The following RGPD1 variants were observed in gnomAD, a reference collection of about 807,000 sequenced individuals.
The protein encoded by RGPD1 is RANBP2 like and GRIP domain containing 1.
In RGPD1, 7 loss-of-function variants were observed where a neutral mutation model predicts 40.6. The observed-to-expected ratio is 0.17, with a 90% CI of 0.10 to 0.32. The LOEUF (loss-of-function observed/expected upper bound fraction) is 0.32. Among genes scored for constraint, RGPD1 ranks in the 10% least tolerant of loss-of-function variants. The pLI, the probability that RGPD1 is intolerant of heterozygous loss-of-function variation, is 1.00. For synonymous variants in RGPD1, 24 were observed against 167.0 expected (o/e 0.14, Z 6.60); for missense variants, 50 against 472.5 (o/e 0.11, Z 8.29).
chr2:86,929,996 G>A (rs1678802398), intron 1 of RGPD1, among the ~76,000 whole-genome samples: 1 of 143,980 alleles, frequency 6.9e-6, no homozygotes, highest in Non-Finnish European at 1.6e-5. Flanking sequence ...GAATCTGGGG[G>A]CAGTGCACAC....
Position 86,942,584 on chromosome 2 carries a change from G to A in RGPD1, c.72+276G>A, listed in dbSNP as rs1342722321. 6.4e-5 allele frequency among the ~76,000 whole-genome samples: 6 copies of A among 93,810 alleles called. No individual in the cohort carries two copies. In the East Asian group the frequency reaches 1.8e-3, roughly 28 times the overall value. 61.5% of individuals were successfully genotyped at this position (93,810 alleles called of 152,430 possible). A position where few individuals can be genotyped will look rare whatever the true frequency, so the allele number is the denominator to read the frequency against. ...ACGTGGCCCGGCGGCGGCCTCGATG[G>A]CTCAGGCGTCATGGCTCCCGACGGG... On this transcript the variant is annotated intron_variant, in intron 1 of 22. Coordinates refer to ENST00000641458, the MANE Select transcript of RGPD1 (RefSeq NM_001382344.1).
chr2:86,960,668 C>T lies in RGPD1; in HGVS notation c.779+2241C>T, dbSNP rs1435532793. Among the ~76,000 whole-genome samples, 16 of 118,066 alleles carry T rather than the reference C, an allele frequency of 1.4e-4. 1 individual carries two copies. Among genetic ancestry groups the T allele is most frequent in the Admixed American group, 1.2e-3 (16 of 13,378 alleles). 77.5% of individuals were successfully genotyped at this position (118,066 alleles called of 152,430 possible). The stretch of plus-strand genomic sequence containing the variant: ...GCAGTGGTGCCATCTCGGCTCACTG[C>T]AAGCTCTGTCTCCAGGGTTCATGCC... On this transcript the variant is annotated intron_variant, in intron 6 of 22. Coordinates refer to ENST00000641458, the MANE Select transcript of RGPD1 (RefSeq NM_001382344.1).
intron 1 of RGPD1, chr2:86,914,033 C>CCTCGGCCTCCGCCTGGCCG (rs1558778631): frequency 5.3e-5 from 3 of 56,774 alleles, no homozygotes; most frequent in African/African-American, 2.1e-4. Context: ...GCGGCGGCGG[C>CCTCGGCCTCCGCCTGGCCG]GGCGGCGGCG....
chr2:86,945,224 T>C (rs1037314310), intron 1 of RGPD1, among the ~76,000 whole-genome samples: 8 of 152,070 alleles, frequency 5.3e-5, no homozygotes, highest in Non-Finnish European at 1.2e-4. Context: ...ACCACCTCTC[T>C]TACACTTAGA....
chr2:86,930,856 C>T, intron 1 of RGPD1: 1 of 694,592 alleles, frequency 1.4e-6, no homozygotes, highest in Non-Finnish European at 2.3e-6. Context: ...CCCGGCCCAT[C>T]TTCGCTGAGG....
upstream of RGPD1, among the ~76,000 whole-genome samples, chr2:86,940,834 A>C (rs1405045196): frequency 6.6e-6 from 1 of 151,278 alleles, no homozygotes; most frequent in East Asian, 2.0e-4. Context: ...ATGGTACCTC[A>C]AGTGAAAGAA....
chr2:86,928,372 C>G (rs987042472), intron 1 of RGPD1, among the ~76,000 whole-genome samples: 1 of 152,058 alleles, frequency 6.6e-6, no homozygotes, highest in African/African-American at 2.4e-5. Flanking sequence ...GGGTAATAGG[C>G]AATTGTATAG....
chr2:86,960,079 G>A (rs1395839265), intron 6 of RGPD1, among the ~76,000 whole-genome samples: 1 of 74,774 alleles, frequency 1.3e-5, no homozygotes, highest in East Asian at 4.2e-4. Flanking sequence ...ACAGCCCTTG[G>A]CCCTCAGAGG....
chr2:86,941,200 C>T (rs538190786), upstream of RGPD1, among the ~76,000 whole-genome samples: 1 of 151,806 alleles, frequency 6.6e-6, no homozygotes, highest in African/African-American at 2.4e-5. Flanking sequence ...AAGGCTCTCA[C>T]TATTAAAAAT....
chr2:86,964,196 C>A lies in RGPD1; in HGVS notation c.975+972C>A, dbSNP rs1191602378. 1.9e-5 allele frequency among the ~76,000 whole-genome samples: 2 copies of A among 107,726 alleles called. 1 individual carries two copies. The allele number at this position is 107,726 out of a possible 152,430, so 70.7% of individuals were successfully genotyped here. A position where few individuals can be genotyped will look rare whatever the true frequency, so the allele number is the denominator to read the frequency against. On this transcript the variant is annotated intron_variant, in intron 7 of 22. Coordinates refer to ENST00000641458, the MANE Select transcript of RGPD1 (RefSeq NM_001382344.1). Reference sequence around the variant, plus strand: ...TAGCTGGAACTACAAGCGCCCACCACCATGCCTGGCTAATTTTTTTGTATT... The same window carrying A: ...TAGCTGGAACTACAAGCGCCCACCAACATGCCTGGCTAATTTTTTTGTATT...
At chr2:86,942,680 T>G (rs1232429620) in intron 1 of RGPD1, among the ~76,000 whole-genome samples, 5 of 141,778 alleles carry the variant, frequency 3.5e-5, no homozygotes, top group African/African-American at 1.0e-4. Context: ...GGCCTCGACC[T>G]GGCCGGGCGG....
At chr2:86,914,191 G>GCGGCGGCGGCGGCCT (rs1558778962) in intron 1 of RGPD1, among the ~76,000 whole-genome samples, 1 of 55,666 alleles carries the variant, frequency 1.8e-5, no homozygotes, top group African/African-American at 6.7e-5. Flanking sequence ...GACGGCGGCG[G>GCGGCGGCGGCGGCCT]CGGCCTCGGC....
intron 17 of RGPD1, among the ~76,000 whole-genome samples, 182 bp downstream of exon 17, chr2:86,978,113 G>A (rs71256353): frequency 0.092 from 9,157 of 99,702 alleles, 36 homozygotes; most frequent in East Asian, 0.13. Flanking sequence ...GCAGGCTGCA[G>A]TACAGTGGTA....
intron 1 of RGPD1, among the ~76,000 whole-genome samples, chr2:86,929,716 T>TTA (rs1678774286): frequency 8.9e-6 from 1 of 112,432 alleles, no homozygotes; most frequent in Non-Finnish European, 1.9e-5. Context: ...TTTTTTTTTT[T>TTA]AGCTGGTTCA....
chr2:86,944,019 A>G (rs956977943), intron 1 of RGPD1, among the ~76,000 whole-genome samples: 11 of 146,248 alleles, frequency 7.5e-5, no homozygotes, highest in African/African-American at 3.0e-4. Context: ...AAAAAAAAAC[A>G]AAAAAAAACC....
At chr2:86,945,978 T>C (rs2104781806) in intron 1 of RGPD1, among the ~76,000 whole-genome samples, 1 of 119,678 alleles carries the variant, frequency 8.4e-6, no homozygotes, top group Middle Eastern at 3.7e-3. Context: ...GTTGGTTTCT[T>C]ATTCTGCAGC....
intron 1 of RGPD1, among the ~76,000 whole-genome samples, chr2:86,946,009 C>CT (rs1402187343): frequency 9.1e-6 from 1 of 110,232 alleles, no homozygotes; most frequent in African/African-American, 3.2e-5. Context: ...TTCTCAAACT[C>CT]TACTTGACAG....
intron 1 of RGPD1, among the ~76,000 whole-genome samples, chr2:86,943,730 G>A (rs1283684940): frequency 1.3e-5 from 2 of 152,214 alleles, no homozygotes; most frequent in Non-Finnish European, 2.9e-5. Context: ...AAGGATATTG[G>A]CGGGGCGCAG....
chr2:86,924,968 A>G (rs1368972629), intron 1 of RGPD1, among the ~76,000 whole-genome samples: 2 of 151,306 alleles, frequency 1.3e-5, no homozygotes, highest in Admixed American at 6.6e-5. Flanking sequence ...AAAAAATTTG[A>G]AAATTAGCCA....
Sources: allele counts gnomAD v4.1 joint callset (sites outside exome capture counted in the v4.1 genomes callset), GRCh38; gene constraint gnomAD v4.1.1; transcripts MANE v1.5; gene names NCBI Gene and HGNC (gene_info 2026-07-23, HGNC 2026-07-21).